The following TCF12 variants were observed in gnomAD, a reference collection of about 807,000 sequenced individuals.
TCF12 encodes the protein DNA-binding protein HTF4.
A neutral mutation model predicts 86.0 loss-of-function variants in TCF12; 45 were observed. That is an observed-to-expected ratio of 0.52 (90% CI 0.41 to 0.67). The LOEUF is 0.67. Ranked by LOEUF, TCF12 falls within the 30% of genes least tolerant of loss-of-function variation. The pLI is 0.00. For synonymous variants in TCF12, 330 were observed against 299.6 expected, an observed-to-expected ratio of 1.10 and a Z score of -1.05; for missense variants, 881 against 859.9, an observed-to-expected ratio of 1.02 and a Z score of -0.31.
intron 3 of TCF12, among the ~76,000 whole-genome samples, chr15:56,994,336 T>C (rs1310812585): frequency 6.6e-6 from 1 of 152,084 alleles, no homozygotes; most frequent in Non-Finnish European, 1.5e-5. Context: ...ATCTAACATA[T>C]GAAGAACCAG....
intron 7 of TCF12, 106 bp downstream of exon 7, chr15:57,192,399 CTTTG>C: frequency 1.4e-6 from 2 of 1,442,366 alleles, no homozygotes; most frequent in South Asian, 2.8e-5. Flanking sequence ...CTTTCCGTTT[CTTTG>C]TTTAAGACAG....
chr15:57,017,465 G>C (rs369397483), intron 3 of TCF12, among the ~76,000 whole-genome samples: 48 of 152,284 alleles, frequency 3.2e-4, no homozygotes, highest in African/African-American at 1.1e-3. Flanking sequence ...GCACAATTGG[G>C]TAGTTGCAAC....
intron 3 of TCF12, among the ~76,000 whole-genome samples, chr15:56,933,391 G>A (rs2060330309): frequency 1.3e-5 from 2 of 152,244 alleles, no homozygotes; most frequent in South Asian, 4.1e-4. Flanking sequence ...GCATCTGTAG[G>A]TATTTGAGCG....
At chr15:57,230,540 A>G (rs1436695722) in intron 8 of TCF12, among the ~76,000 whole-genome samples, 1 of 152,078 alleles carries the variant, frequency 6.6e-6, no homozygotes, top group Non-Finnish European at 1.5e-5. Flanking sequence ...ATACTGCTCT[A>G]ACAAATTAAA....
At chr15:57,256,909 AG>A (rs1401147199) in intron 16 of TCF12, among the ~76,000 whole-genome samples, 2 of 152,172 alleles carry the variant, frequency 1.3e-5, no homozygotes, top group Non-Finnish European at 2.9e-5. Flanking sequence ...TCCTAATTGT[AG>A]GGTTTAAATA....
At chr15:57,200,220 A>G (rs1396121523) in intron 8 of TCF12, among the ~76,000 whole-genome samples, 1 of 152,100 alleles carries the variant, frequency 6.6e-6, no homozygotes, top group African/African-American at 2.4e-5. Context: ...GAAAAACCTT[A>G]AAGACAGATA....
chr15:57,024,353 A>G (rs2065691987), intron 3 of TCF12, among the ~76,000 whole-genome samples: 1 of 149,188 alleles, frequency 6.7e-6, no homozygotes, highest in Admixed American at 6.9e-5. Flanking sequence ...AGTTGAGATT[A>G]CAGGCGCCCG....
At chr15:56,930,547 T>C (rs2060201038) in intron 3 of TCF12, among the ~76,000 whole-genome samples, 1 of 152,216 alleles carries the variant, frequency 6.6e-6, no homozygotes, top group South Asian at 2.1e-4. Context: ...TTATTCTCAG[T>C]TGGGAATAGA....
chr15:57,161,933 G>T (rs188156924), intron 5 of TCF12, among the ~76,000 whole-genome samples: 10 of 152,236 alleles, frequency 6.6e-5, no homozygotes, highest in Non-Finnish European at 1.5e-5. Flanking sequence ...ATGATTACGT[G>T]TCATTGTACA....
At chr15:56,976,966 T>G (rs751568185) in intron 3 of TCF12, among the ~76,000 whole-genome samples, 34 of 152,086 alleles carry the variant, frequency 2.2e-4, no homozygotes, top group Non-Finnish European at 4.1e-4. Context: ...AGATCCTCAT[T>G]TGCACTAGCC....
At chr15:57,114,288 A>C (rs967325197) in intron 5 of TCF12, among the ~76,000 whole-genome samples, 1 of 152,038 alleles carries the variant, frequency 6.6e-6, no homozygotes, top group Non-Finnish European at 1.5e-5. Flanking sequence ...ATAGGCATTT[A>C]ACCTACTGTA....
intron 18 of TCF12, among the ~76,000 whole-genome samples, chr15:57,268,909 T>A (rs1253220938): frequency 6.6e-6 from 1 of 152,174 alleles, no homozygotes; most frequent in Admixed American, 6.5e-5. Flanking sequence ...TTTGTGTTAT[T>A]TTACATTTGC....
chr15:57,055,133 G>C (rs949624705), intron 3 of TCF12, among the ~76,000 whole-genome samples: 7 of 152,024 alleles, frequency 4.6e-5, no homozygotes, highest in African/African-American at 1.5e-4. Flanking sequence ...AGGTGCGTTG[G>C]ATCACACCTG....
chr15:57,102,997 G>A (rs1212353078), intron 5 of TCF12, among the ~76,000 whole-genome samples: 4 of 152,198 alleles, frequency 2.6e-5, no homozygotes, highest in Non-Finnish European at 4.4e-5. Flanking sequence ...TAGAGGTGTG[G>A]CAGTTGGGCA....
intron 5 of TCF12, among the ~76,000 whole-genome samples, chr15:57,128,699 C>T (rs1178796004): frequency 2.0e-5 from 3 of 152,188 alleles, no homozygotes; most frequent in African/African-American, 7.2e-5. Flanking sequence ...CCTATTTCCT[C>T]CTTCACCCAT....
chr15:57,210,658 C>T (rs12916478), intron 8 of TCF12, among the ~76,000 whole-genome samples: 67,389 of 151,918 alleles, frequency 0.44, 16,444 homozygotes, highest in East Asian at 0.64. Flanking sequence ...ATTTTAACAA[C>T]AGTAATACAG....
At chr15:56,990,150 T>C (rs1273208115) in intron 3 of TCF12, among the ~76,000 whole-genome samples, 1 of 119,782 alleles carries the variant, frequency 8.3e-6, no homozygotes, top group Non-Finnish European at 1.6e-5. Flanking sequence ...CATAGTCTTG[T>C]CTTTTTTTTT....
intron 3 of TCF12, among the ~76,000 whole-genome samples, chr15:56,952,189 T>TATAC (rs76965825): frequency 1.4e-3 from 205 of 150,398 alleles, no homozygotes; most frequent in African/African-American, 3.5e-3. Flanking sequence ...TTTGTGTATA[T>TATAC]ACACACACAC....
At chr15:57,219,183 A>G (rs935835760) in intron 8 of TCF12, 2 of 1,084,254 alleles carry the variant, frequency 1.8e-6, no homozygotes, top group Non-Finnish European at 2.2e-6. Flanking sequence ...ATATGTATAT[A>G]TGAGACAAAT....
Sources: gnomAD v4.1 joint callset for allele counts (sites outside exome capture counted in the v4.1 genomes callset) on GRCh38, gnomAD v4.1.1 for gene constraint, MANE v1.5 for transcripts, NCBI Gene and HGNC (gene_info 2026-07-23, HGNC 2026-07-21) for gene names.